CLPTM1: variants seen among roughly 807,000 people sequenced by gnomAD.
The protein encoded by CLPTM1 is CLPTM1 regulator of GABA type A receptor forward trafficking.
In CLPTM1, 21 loss-of-function variants were observed where a neutral mutation model predicts 77.3. The observed-to-expected ratio is 0.27, with a 90% CI of 0.19 to 0.39. The LOEUF is 0.39. Among genes scored for constraint, CLPTM1 ranks in the 10% least tolerant of loss-of-function variants. The pLI, the probability that CLPTM1 is intolerant of heterozygous loss-of-function variation, is 1.00. For synonymous variants in CLPTM1, 373 were observed against 381.0 expected (o/e 0.98, Z 0.24); for missense variants, 642 against 921.2 (o/e 0.70, Z 3.92).
chr19:44,980,281 A>G (rs987605690), intron 5 of CLPTM1, among the ~76,000 whole-genome samples: 2 of 152,044 alleles, frequency 1.3e-5, no homozygotes, highest in African/African-American at 4.8e-5. Flanking sequence ...AGCCAAGGCA[A>G]GCAGATCACT....
Position 44,955,437 on chromosome 19 carries a change from G to C in CLPTM1, c.42G>C (p.Val14=). ...AGGCGGACGGGGCCCGCAGCGCCGT[G>C]GTGGCGGCCGGGGGAGGCAGCTCCG... ...AQEADGARSA[V]VAAGGGSSGQ... is the part of the protein sequence containing the mutation. Residue 14 remains valine (V), a synonymous_variant, in exon 1 of 14, where the codon GTG becomes GTC. Transcript: ENST00000337392. 7.5e-7 allele frequency: 1 copy of C among 1,334,436 alleles called. No individual in the cohort carries two copies. The highest frequency in any genetic ancestry group is 9.6e-7 in the Non-Finnish European group (1 of 1,045,086). 82.7% of individuals were successfully genotyped at this position (1,334,436 alleles called of 1,614,324 possible). A position where few individuals can be genotyped will look rare whatever the true frequency, so the allele number is the denominator to read the frequency against.
chr19:44,964,347 G>A (rs534883175), intron 2 of CLPTM1, among the ~76,000 whole-genome samples: 100 of 93,854 alleles, frequency 1.1e-3, no homozygotes, highest in Admixed American at 3.6e-3. Flanking sequence ...GTCTCACTTT[G>A]TCACCCAGGC....
At chr19:44,957,430 CAG>C (rs1970481464) in intron 1 of CLPTM1, among the ~76,000 whole-genome samples, 1 of 152,226 alleles carries the variant, frequency 6.6e-6, no homozygotes, top group Non-Finnish European at 1.5e-5. Context: ...GCGCCAGGCA[CAG>C]AGGAGGTGCT....
chr19:44,958,605 C>T (rs1037346672), intron 1 of CLPTM1, among the ~76,000 whole-genome samples: 1 of 152,174 alleles, frequency 6.6e-6, no homozygotes, highest in African/African-American at 2.4e-5. Context: ...CTCCTGACCT[C>T]AGGTGATCTG....
chr19:44,986,981 G>T (rs909997982), intron 7 of CLPTM1, 198 bp from the exon 8 acceptor site: 2 of 663,272 alleles, frequency 3.0e-6, no homozygotes, highest in Non-Finnish European at 2.5e-6. Context: ...CCTTCAGTGG[G>T]GACCTGCCTG....
chr19:44,966,370 C>G (rs974811047), intron 2 of CLPTM1, among the ~76,000 whole-genome samples: 16 of 152,030 alleles, frequency 1.1e-4, no homozygotes, highest in Admixed American at 3.3e-4. Flanking sequence ...AAGATGCCGC[C>G]ACTGCACTCC....
At chr19:44,955,526 G>C in intron 1 of CLPTM1, 59 bp downstream of exon 1, 1 of 1,252,282 alleles carries the variant, frequency 8.0e-7, no homozygotes, top group Non-Finnish European at 1.0e-6. Flanking sequence ...CCTCCCACGG[G>C]GCGTGTCCTA....
rs1971066986 is a variant in CLPTM1 at position 44,991,066 on chromosome 19, G to A, written c.1419+121G>A. 2 of 1,287,388 alleles carry A rather than the reference G, an allele frequency of 1.6e-6. No homozygotes were observed. Among genetic ancestry groups the A allele is most frequent in the Non-Finnish European group, 2.2e-6 (2 of 918,064 alleles). The allele number at this position is 1,287,388 out of a possible 1,614,324, so 79.7% of individuals were successfully genotyped here. On this transcript the variant is annotated intron_variant, in intron 11 of 13. Coordinates refer to ENST00000337392, the MANE Select transcript of CLPTM1 (RefSeq NM_001294.4). This position sits in a 1 kb window ranked among gnomAD's most constrained non-coding sequence, Gnocchi z 5.4. ...CTTTACAGCCTGTGCCACATCCTCTGTGTCCCCCATCTGCCATAACTGCTT... is the reference window on the plus strand; with the variant it reads ...CTTTACAGCCTGTGCCACATCCTCTATGTCCCCCATCTGCCATAACTGCTT...
intron 4 of CLPTM1, among the ~76,000 whole-genome samples, chr19:44,975,102 A>G (rs1970785819): frequency 6.6e-6 from 1 of 152,198 alleles, no homozygotes; most frequent in South Asian, 2.1e-4. Context: ...CGCATGAGAG[A>G]TTCAGACTCA....
chr19:44,969,964 A>G (rs1324507086), intron 2 of CLPTM1, among the ~76,000 whole-genome samples: 2 of 147,632 alleles, frequency 1.4e-5, no homozygotes, highest in African/African-American at 5.3e-5. Context: ...GGTGTAAGCC[A>G]CCACGCCCAG....
chr19:44,963,518 G>A (rs534707936), intron 2 of CLPTM1, among the ~76,000 whole-genome samples: 2 of 151,406 alleles, frequency 1.3e-5, no homozygotes, highest in East Asian at 2.0e-4. Context: ...GTAGAGATGG[G>A]GTTTCACCGT....
Position 44,992,635 on chromosome 19 carries a change from A to G in CLPTM1, c.1748A>G (p.Tyr583Cys), listed in dbSNP as rs1971094975. ...GATGTGGTTTTCTTCATCTACCTCT[A>G]CCAACGGTGGATCTACCGCGTCGAC... The part of the protein sequence containing the change: ...RDDVVFFIYL[Y>C]QRWIYRVDPT... Residue 583 changes from tyrosine to cysteine, a missense_variant, in exon 14 of 14, where the codon TAC (tyrosine) becomes TGC (cysteine). This residue lies in a region of CLPTM1 where 521 missense variants were observed against 800.4 expected (regional missense o/e 0.65). Coordinates refer to ENST00000337392, the MANE Select transcript of CLPTM1 (RefSeq NM_001294.4). The surrounding 1 kb of genome is among the most constrained non-coding windows in gnomAD (Gnocchi z 7.7). 6.2e-7 allele frequency: 1 copy of G among 1,613,566 alleles called. No homozygotes were observed. Among genetic ancestry groups the G allele is most frequent in the Non-Finnish European group, 8.5e-7 (1 of 1,179,894 alleles).
At chr19:44,987,581 GTGGGCACCCAGCCCTCCAGCC>G in intron 8 of CLPTM1, 158 bp downstream of exon 8, 1 of 1,000,122 alleles carries the variant, frequency 1.0e-6, no homozygotes, top group Non-Finnish European at 1.4e-6. Context: ...GTGAAAGGAA[GTGGGCACCCAGCCCTCCAGCC>G]CTAGATGACT....
intron 5 of CLPTM1, among the ~76,000 whole-genome samples, chr19:44,977,992 C>T (rs888366964): frequency 2.6e-5 from 4 of 152,074 alleles, no homozygotes; most frequent in African/African-American, 9.7e-5. Flanking sequence ...TGCCTGTAGT[C>T]CCAGCTGCTC....
intron 5 of CLPTM1, among the ~76,000 whole-genome samples, chr19:44,978,140 C>T (rs1312717771): frequency 6.6e-6 from 1 of 151,700 alleles, no homozygotes; most frequent in Non-Finnish European, 1.5e-5. Flanking sequence ...GGCACAGTGG[C>T]TCACGCCTGT....
chr19:44,984,705 A>T (rs924603543), intron 5 of CLPTM1: 3 of 153,060 alleles, frequency 2.0e-5, no homozygotes, highest in Admixed American at 1.3e-4. Flanking sequence ...TTTCTTTTTG[A>T]AACGGAGTTT....
intron 5 of CLPTM1, among the ~76,000 whole-genome samples, chr19:44,979,790 G>A (rs1344671945): frequency 6.6e-6 from 1 of 152,080 alleles, no homozygotes; most frequent in African/African-American, 2.4e-5. Context: ...AGTGGCTTGA[G>A]GGGGTGTGAC....
At chr19:44,977,289 G>C in intron 4 of CLPTM1, 54 bp from the exon 5 acceptor site, 1 of 1,345,418 alleles carries the variant, frequency 7.4e-7, no homozygotes, top group Non-Finnish European at 1.1e-6. Context: ...GGGCTTTAAC[G>C]TTTCCCTCAC....
intron 2 of CLPTM1, among the ~76,000 whole-genome samples, chr19:44,965,886 C>G (rs989005270): frequency 1.3e-5 from 2 of 152,238 alleles, no homozygotes; most frequent in Non-Finnish European, 2.9e-5. Context: ...CCATGGCCAG[C>G]TGCACGGGAG....
Sources: allele counts gnomAD v4.1 joint callset (sites outside exome capture counted in the v4.1 genomes callset), GRCh38; gene constraint gnomAD v4.1.1; regional missense constraint gnomAD v4.1.1; non-coding constraint Gnocchi (gnomAD v3.1); transcripts MANE v1.5; gene names NCBI Gene and HGNC (gene_info 2026-07-23, HGNC 2026-07-21).